CNOT4: variants seen among roughly 807,000 people sequenced by gnomAD.
The protein encoded by CNOT4 is CCR4-NOT transcription complex subunit 4.
A neutral mutation model predicts 73.8 loss-of-function variants in CNOT4; 8 were observed. The ratio of observed to expected loss-of-function variants is 0.11; its 90% CI spans 0.06 to 0.20. The LOEUF (loss-of-function observed/expected upper bound fraction) is 0.20. CNOT4 is among the 10% of genes least tolerant of loss of function. CNOT4 has a pLI of 1.00. For missense variants in CNOT4, 564 were observed against 883.4 expected (o/e 0.64, Z 4.58); for synonymous variants, 293 against 321.1 (o/e 0.91, Z 0.94).
At chr7:135,509,172 G>A (rs1297737645) in intron 1 of CNOT4, 1 of 152,282 alleles carries the variant, frequency 6.6e-6, no homozygotes, top group Non-Finnish European at 1.5e-5. Context: ...ACAGGAAAGA[G>A]GGAAGGAACG....
chr7:135,390,819 G>C (rs1355557244), intron 10 of CNOT4, among the ~76,000 whole-genome samples: 1 of 152,062 alleles, frequency 6.6e-6, no homozygotes, highest in African/African-American at 2.4e-5. Flanking sequence ...ACAGGTCAGA[G>C]ACCATATTTT....
intron 10 of CNOT4, among the ~76,000 whole-genome samples, chr7:135,376,999 T>C (rs1795557220): frequency 6.6e-6 from 1 of 152,218 alleles, no homozygotes; most frequent in South Asian, 2.1e-4. Flanking sequence ...GAGATGGATA[T>C]AGTTATGGTG....
chr7:135,474,443 T>C (rs1326467006), intron 1 of CNOT4, among the ~76,000 whole-genome samples: 1 of 151,744 alleles, frequency 6.6e-6, no homozygotes, highest in Non-Finnish European at 1.5e-5. Context: ...TGCCACTACA[T>C]CCAGCTTATT....
At chr7:135,441,887 A>C (rs1029270208) in intron 1 of CNOT4, among the ~76,000 whole-genome samples, 4 of 152,242 alleles carry the variant, frequency 2.6e-5, no homozygotes, top group African/African-American at 9.6e-5. Context: ...GAAATCCTTT[A>C]GATAGTTAAT....
intron 1 of CNOT4, among the ~76,000 whole-genome samples, chr7:135,482,633 AAGAG>A (rs377229575): frequency 2.6e-5 from 4 of 152,004 alleles, no homozygotes; most frequent in Non-Finnish European, 4.4e-5. Context: ...AAGGAAAAAA[AAGAG>A]AGAGAGAAGA....
intron 5 of CNOT4, among the ~76,000 whole-genome samples, 191 bp downstream of exon 5, chr7:135,414,140 T>C (rs564256190): frequency 6.6e-6 from 1 of 152,138 alleles, no homozygotes; most frequent in Admixed American, 6.6e-5. Context: ...TGTTTATTCC[T>C]ATCTGGTAAA....
intron 8 of CNOT4, among the ~76,000 whole-genome samples, chr7:135,396,732 T>C (rs922131400): frequency 2.6e-5 from 4 of 152,178 alleles, no homozygotes; most frequent in Non-Finnish European, 5.9e-5. Context: ...ATACTCCTCC[T>C]TCCATCTACC....
chr7:135,398,262 A>G (rs1368877535), intron 7 of CNOT4, 36 bp from the exon 8 acceptor site: 2 of 1,066,688 alleles, frequency 1.9e-6, no homozygotes, highest in East Asian at 2.4e-5. Context: ...AAATCAGAAT[A>G]TAGTCATTCT....
At chr7:135,469,111 G>C (rs1801411284) in intron 1 of CNOT4, among the ~76,000 whole-genome samples, 1 of 152,146 alleles carries the variant, frequency 6.6e-6, no homozygotes, top group Admixed American at 6.6e-5. Flanking sequence ...ATAAACGGAA[G>C]AGCAGGAGGT....
chr7:135,495,705 AGAAAG>A, intron 1 of CNOT4, among the ~76,000 whole-genome samples: 3 of 55,982 alleles, frequency 5.4e-5, no homozygotes, highest in African/African-American at 1.0e-4. Context: ...AAAGAAAGAA[AGAAAG>A]AAAGAAAGAA....
intron 1 of CNOT4, among the ~76,000 whole-genome samples, chr7:135,481,864 T>C (rs1381930803): frequency 6.6e-6 from 1 of 152,302 alleles, no homozygotes; most frequent in South Asian, 2.1e-4. Flanking sequence ...CTCACTCATA[T>C]GTAGAAACTA....
chr7:135,469,283 T>A (rs1039518982), intron 1 of CNOT4, among the ~76,000 whole-genome samples: 1 of 152,204 alleles, frequency 6.6e-6, no homozygotes, highest in African/African-American at 2.4e-5. Flanking sequence ...TAAGAGCTGA[T>A]GAAATACAAA....
At chr7:135,494,538 T>C (rs1384679532) in intron 1 of CNOT4, among the ~76,000 whole-genome samples, 1 of 149,994 alleles carries the variant, frequency 6.7e-6, no homozygotes, top group East Asian at 1.9e-4. Flanking sequence ...ATCCTACTTC[T>C]ATGGTAGATT....
intron 10 of CNOT4, among the ~76,000 whole-genome samples, chr7:135,367,600 C>T (rs922376927): frequency 1.3e-5 from 2 of 152,064 alleles, no homozygotes; most frequent in African/African-American, 2.4e-5. Context: ...CAATACCGAA[C>T]GGATAGTAAA....
At chr7:135,508,757 T>G (rs1804538044) in intron 1 of CNOT4, among the ~76,000 whole-genome samples, 1 of 152,096 alleles carries the variant, frequency 6.6e-6, no homozygotes, top group African/African-American at 2.4e-5. Flanking sequence ...AATCAAAATA[T>G]CACTTATATT....
Position 135,438,253 on chromosome 7 carries a change from T to A in CNOT4, c.79A>T (p.Asn27Tyr). 1 of 1,613,734 alleles carries A rather than the reference T, an allele frequency of 6.2e-7. No homozygotes were observed. The highest frequency in any genetic ancestry group is 8.5e-7 in the Non-Finnish European group (1 of 1,179,610). ...CMEPLEIDDI[N>Y]FFPCTCGYQI... Reference sequence around the variant, plus strand: ...TAGCCACAGGTGCAAGGGAAAAAGTTGATATCATCTATCTCCAAGGGCTCC... The same window carrying A: ...TAGCCACAGGTGCAAGGGAAAAAGTAGATATCATCTATCTCCAAGGGCTCC... Residue 27 changes from asparagine to tyrosine, a missense_variant, in exon 2 of 12, where the codon AAC (asparagine) becomes TAC (tyrosine). Physicochemically the swap from Asn to Tyr is moderately radical, Grantham distance 143 (BLOSUM62 -2). Transcript: ENST00000541284.
Position 135,363,222 on chromosome 7 carries a change from A to C in CNOT4, c.1841-36T>G. 1.3e-6 allele frequency: 2 copies of C among 1,594,764 alleles called. No individual in the cohort carries two copies. The highest frequency in any genetic ancestry group is 1.7e-6 in the Non-Finnish European group (2 of 1,166,058). On this transcript the variant is annotated intron_variant, in intron 11 of 11. Coordinates refer to ENST00000541284, the MANE Select transcript of CNOT4 (RefSeq NM_001190850.2). The surrounding 1 kb of genome is among the most constrained non-coding windows in gnomAD (Gnocchi z 4.3). ...AAAAGAAAAAAGAGGGAAAATGGTG[A>C]GTTTGTGTGGAAAGAATAAGGTCGT...
At chr7:135,383,624 G>T (rs1795960899) in intron 10 of CNOT4, among the ~76,000 whole-genome samples, 1 of 152,190 alleles carries the variant, frequency 6.6e-6, no homozygotes, top group Non-Finnish European at 1.5e-5. Context: ...AAAGACTGGA[G>T]GAGAGAGTAT....
intron 1 of CNOT4, among the ~76,000 whole-genome samples, chr7:135,479,572 TG>T (rs1416082632): frequency 2.0e-5 from 3 of 151,804 alleles, no homozygotes; most frequent in African/African-American, 7.3e-5. Context: ...ATTTATAATT[TG>T]TATTTTTTTA....
Sources: allele counts gnomAD v4.1 joint callset (sites outside exome capture counted in the v4.1 genomes callset), GRCh38; gene constraint gnomAD v4.1.1; non-coding constraint Gnocchi (gnomAD v3.1); transcripts MANE v1.5; gene names NCBI Gene and HGNC (gene_info 2026-07-23, HGNC 2026-07-21).